The following DYRK3 variants were observed in gnomAD, a reference collection of about 807,000 sequenced individuals.
DYRK3 encodes dual specificity tyrosine phosphorylation regulated kinase 3, also known as dual specificity tyrosine-phosphorylation-regulated kinase 3.
DYRK3 carries 30 observed loss-of-function variants against 40.8 expected under a neutral mutation model. The observed-to-expected ratio is 0.74, with a 90% CI of 0.55 to 1.00. DYRK3 has a LOEUF of 1.00. DYRK3 is among the 50% of genes least tolerant of loss of function. The pLI, the probability that DYRK3 is intolerant of heterozygous loss-of-function variation, is 0.00. For synonymous variants in DYRK3, 272 were observed against 260.7 expected (o/e 1.04, Z -0.42); for missense variants, 699 against 731.5 (o/e 0.96, Z 0.51).
chr1:206,655,042 T>C lies in DYRK3; in HGVS notation c.*6077T>C, dbSNP rs555401017. Among the ~76,000 whole-genome samples the C allele has an allele frequency of 6.6e-6, 1 of 152,344 alleles. No individual in the cohort carries two copies. Among genetic ancestry groups the C allele is most frequent in the Non-Finnish European group, 1.5e-5 (1 of 68,032 alleles). ...CTTTGGTGTCATGGGATTCTGTCCA[T>C]TGTCCGTTTGAGTCTGCTGACATGC... On this transcript the variant is annotated 3_prime_UTR_variant, in exon 3 of 3. Transcript: ENST00000367109.
chr1:206,643,570 T>C (rs1553419643), intron 2 of DYRK3, among the ~76,000 whole-genome samples: 2 of 152,208 alleles, frequency 1.3e-5, no homozygotes, highest in Admixed American at 6.5e-5. Context: ...AGAGAGGCAT[T>C]CCTTTTCATT....
Position 206,654,998 on chromosome 1 carries a change from A to C in DYRK3, c.*6033A>C, listed in dbSNP as rs1553421699. ...TTTCAGCTCAGAATGTCAGCCTCTG[A>C]AGCATCAGGTTTGAATGACTTTGGT... On this transcript the variant is annotated 3_prime_UTR_variant, in exon 3 of 3. Coordinates refer to ENST00000367109, the MANE Select transcript of DYRK3 (RefSeq NM_003582.4). Among the ~76,000 whole-genome samples the C allele has an allele frequency of 6.6e-6, 1 of 152,228 alleles. No individual in the cohort carries two copies. The highest frequency in any genetic ancestry group is 1.5e-5 in the Non-Finnish European group (1 of 68,038).
Position 206,649,251 on chromosome 1 carries a change from A to C in DYRK3, c.*286A>C, listed in dbSNP as rs868992678. On this transcript the variant is annotated 3_prime_UTR_variant, in exon 3 of 3. Coordinates refer to ENST00000367109, the MANE Select transcript of DYRK3 (RefSeq NM_003582.4). Reference sequence around the variant, plus strand: ...AACTGATGTATTATACTATTGGTTTAAATCTCTTTCTCTCAAGATAGAAGG... The same window carrying C: ...AACTGATGTATTATACTATTGGTTTCAATCTCTTTCTCTCAAGATAGAAGG... 1.3e-5 allele frequency: 4 copies of C among 307,304 alleles called. No homozygotes were observed. In the South Asian group the frequency reaches 2.0e-4, roughly 15 times the overall value. The allele number at this position is 307,304 out of a possible 1,614,324, so 19.0% of individuals were successfully genotyped here. A position where few individuals can be genotyped will look rare whatever the true frequency, so the allele number is the denominator to read the frequency against.
intron 2 of DYRK3, 142 bp from the exon 3 acceptor site, chr1:206,647,246 C>A: frequency 1.2e-6 from 1 of 856,750 alleles, no homozygotes; most frequent in Non-Finnish European, 1.7e-6. Flanking sequence ...GAGACTCTTG[C>A]TTTTCTTATC....
chr1:206,648,566 C>G lies in DYRK3; in HGVS notation c.1368C>G (p.Thr456=), dbSNP rs888281789. ...KGIPRYCSVT[T]QADGRVVLVG... ...TACCCCGCTACTGCTCTGTGACTAC[C>G]CAGGCAGATGGGAGGGTTGTGCTTG... Residue 456 remains threonine (T), a synonymous_variant, in exon 3 of 3, where the codon ACC becomes ACG. Transcript: ENST00000367109. The G allele has an allele frequency of 1.9e-6, 3 of 1,614,086 alleles. No individual in the cohort carries two copies. Among genetic ancestry groups the G allele is most frequent in the Non-Finnish European group, 2.5e-6 (3 of 1,180,004 alleles).
rs948166209 is a variant in DYRK3, at chr1:206,653,779, A to G, written c.*4814A>G. Among the ~76,000 whole-genome samples, 2 of 152,254 alleles carry G rather than the reference A, an allele frequency of 1.3e-5. No individual in the cohort carries two copies. The highest frequency in any genetic ancestry group is 2.9e-5 in the Non-Finnish European group (2 of 68,050). ...CCCCACAGGGGCTCTGAAAGAGTCT[A>G]GCCTGGATCTTCTTTCCCAGAGGAA... On this transcript the variant is annotated 3_prime_UTR_variant, in exon 3 of 3. Coordinates refer to ENST00000367109, the MANE Select transcript of DYRK3 (RefSeq NM_003582.4).
Position 206,650,826 on chromosome 1 carries a change from C to T in DYRK3, c.*1861C>T, listed in dbSNP as rs1326375907. On this transcript the variant is annotated 3_prime_UTR_variant, in exon 3 of 3. Coordinates refer to ENST00000367109, the MANE Select transcript of DYRK3 (RefSeq NM_003582.4). The stretch of plus-strand genomic sequence containing the variant: ...CAAATCTCTCTCATTTAAATGTCCA[C>T]AGTGGCTTTAGTCTCCCAAGTACAA... Among the ~76,000 whole-genome samples the T allele has an allele frequency of 6.6e-6, 1 of 152,196 alleles. No individual in the cohort carries two copies. Among genetic ancestry groups the T allele is most frequent in the Non-Finnish European group, 1.5e-5 (1 of 68,046 alleles).
At position 206,647,925 on chromosome 1, in the gene DYRK3, G is replaced by T. The variant is rs782622117; in HGVS notation, c.727G>T (p.Glu243Ter). 4 of 1,613,978 alleles carry T rather than the reference G, an allele frequency of 2.5e-6. No homozygotes were observed. The Admixed American group carries it at 6.7e-5, about 27-fold the overall frequency. The change falls in exon 3 of 3, where the codon GAG becomes TAG. Residue 243 changes from glutamate to a stop codon, truncating the protein, a stop_gained. Coordinates refer to ENST00000367109, the MANE Select transcript of DYRK3 (RefSeq NM_003582.4). LOFTEE classifies it high-confidence loss of function. ...CGTGGCCCTAAAAATGGTGCGCAAT[G>T]AGAAGCGCTTTCATCGTCAAGCAGC... Reference protein sequence around the residue: ...QYVALKMVRNEKRFHRQAAEE... With the variant: ...QYVALKMVRN
chr1:206,648,262 A>T lies in DYRK3; in HGVS notation c.1064A>T (p.Asp355Val), dbSNP rs202115183. The T allele has an allele frequency of 6.2e-7, 1 of 1,614,146 alleles. No homozygotes were observed. The highest frequency in any genetic ancestry group is 8.5e-7 in the Non-Finnish European group (1 of 1,180,034). The stretch of plus-strand genomic sequence containing the variant: ...GGGCGCAGTTCAACCAAGGTCATTG[A>T]CTTTGGGTCCAGCTGTTTCGAGTAC... ...HHGRSSTKVIDFGSSCFEYQK... is the reference protein window; with the variant it reads ...HHGRSSTKVIVFGSSCFEYQK... Residue 355 changes from aspartate to valine, a missense_variant, in exon 3 of 3, where the codon GAC becomes GTC. Transcript: ENST00000367109.
chr1:206,641,698 A>C (rs574884520), intron 2 of DYRK3, among the ~76,000 whole-genome samples: 17 of 150,466 alleles, frequency 1.1e-4, no homozygotes, highest in Non-Finnish European at 2.2e-4. Context: ...TTTCCTATTT[A>C]ATGTGCTGGG....
In DYRK3 at chr1:206,653,519, G is replaced by T. The variant is rs953286931; in HGVS notation, c.*4554G>T. Reference sequence around the variant, plus strand: ...TCTGAATTAACAGATTTTGATGCCCGCTGATCATGTGCAGATGATGGAAGC... The same window carrying T: ...TCTGAATTAACAGATTTTGATGCCCTCTGATCATGTGCAGATGATGGAAGC... On this transcript the variant is annotated 3_prime_UTR_variant, in exon 3 of 3. Transcript: ENST00000367109. Among the ~76,000 whole-genome samples, 1 of 152,080 alleles carries T rather than the reference G, an allele frequency of 6.6e-6. No homozygotes were observed. The highest frequency in any genetic ancestry group is 2.1e-4 in the South Asian group (1 of 4,824).
chr1:206,640,392 A>G (rs6540512), intron 2 of DYRK3, among the ~76,000 whole-genome samples: 122,416 of 152,020 alleles, frequency 0.81, 49,561 homozygotes, highest in Non-Finnish European at 0.84. Flanking sequence ...ATGCTCCTAC[A>G]TTCTCATGGT....
intron 1 of DYRK3, among the ~76,000 whole-genome samples, chr1:206,636,642 A>G (rs1191000503): frequency 1.8e-5 from 1 of 56,052 alleles, no homozygotes; most frequent in Non-Finnish European, 4.4e-5. Flanking sequence ...TGAATTTCAC[A>G]AAACAGTTTT....
intron 1 of DYRK3, 173 bp downstream of exon 1, chr1:206,635,953 C>A (rs1553418246): frequency 7.6e-7 from 1 of 1,321,828 alleles, no homozygotes; most frequent in Non-Finnish European, 9.7e-7. Context: ...AGGGCCCCCT[C>A]CCCCCATCCC....
At position 206,648,804 on chromosome 1, in the gene DYRK3, G is replaced by A. The variant is rs1671546121; in HGVS notation, c.1606G>A (p.Val536Met). 1 of 1,614,092 alleles carries A rather than the reference G, an allele frequency of 6.2e-7. No homozygotes were observed. Among genetic ancestry groups the A allele is most frequent in the African/African-American group, 1.3e-5 (1 of 74,938 alleles). The change falls in exon 3 of 3, where the codon GTG (valine) becomes ATG (methionine). Residue 536 changes from valine (V) to methionine (M), a missense_variant. By Grantham distance (21) the Val-to-Met change is conservative. Transcript: ENST00000367109. The part of the protein sequence containing the change: ...VPRPLTTIDK[V>M]SGKRVVNPAS... Reference sequence around the variant, plus strand: ...CAGACCTCTCACCACCATAGACAAGGTGTCAGGGAAACGGGTAGTTAATCC... The same window carrying A: ...CAGACCTCTCACCACCATAGACAAGATGTCAGGGAAACGGGTAGTTAATCC...
At chr1:206,636,482 G>A (rs1290063997) in intron 1 of DYRK3, among the ~76,000 whole-genome samples, 2 of 152,062 alleles carry the variant, frequency 1.3e-5, no homozygotes, top group Non-Finnish European at 2.9e-5. Context: ...CAGAATATTT[G>A]GTTTCTGTTG....
rs1320982351 is a variant in DYRK3, at chr1:206,653,165, G to A, written c.*4200G>A. On this transcript the variant is annotated 3_prime_UTR_variant, in exon 3 of 3. Transcript: ENST00000367109. ...CCAGAGTAACTGGGACTACAGTCACGTGCTACCATGCCTGGCTAATTTTTT... is the reference window on the plus strand; with the variant it reads ...CCAGAGTAACTGGGACTACAGTCACATGCTACCATGCCTGGCTAATTTTTT... 6.6e-6 allele frequency among the ~76,000 whole-genome samples: 1 copy of A among 152,106 alleles called. No individual in the cohort carries two copies. Among genetic ancestry groups the A allele is most frequent in the African/African-American group, 2.4e-5 (1 of 41,468 alleles).
At chr1:206,644,170 G>T (rs1553419752) in intron 2 of DYRK3, among the ~76,000 whole-genome samples, 3 of 151,744 alleles carry the variant, frequency 2.0e-5, no homozygotes, top group African/African-American at 7.3e-5. Flanking sequence ...GAGTAGCTGG[G>T]ATTACAGGCA....
intron 2 of DYRK3, 27 bp downstream of exon 2, chr1:206,637,788 C>A: frequency 6.4e-7 from 1 of 1,557,388 alleles, no homozygotes; most frequent in Non-Finnish European, 8.9e-7. Context: ...ATTCTTTGTA[C>A]ATGAATTGTT....
Sources: gnomAD v4.1 joint callset for allele counts (sites outside exome capture counted in the v4.1 genomes callset) on GRCh38, gnomAD v4.1.1 for gene constraint, MANE v1.5 for transcripts, NCBI Gene and HGNC (gene_info 2026-07-23, HGNC 2026-07-21) for gene names.